The following BCL6 variants were observed in gnomAD, a reference collection of about 807,000 sequenced individuals.
The protein encoded by BCL6 is B-cell lymphoma 6 protein.
A neutral mutation model predicts 59.5 loss-of-function variants in BCL6; 7 were observed. The observed-to-expected ratio is 0.12, with a 90% CI of 0.07 to 0.22. BCL6 has a LOEUF of 0.22. BCL6 is among the 10% of genes least tolerant of loss of function. The pLI, the probability that BCL6 is intolerant of heterozygous loss-of-function variation, is 1.00. For synonymous variants in BCL6, 339 were observed against 349.7 expected (o/e 0.97, Z 0.34); for missense variants, 685 against 939.4 (o/e 0.73, Z 3.54).
chr3:187,724,932 CT>C lies in BCL6; in HGVS notation c.1977+8del. ...CAGGTCAGAGAGCGGCCTCAAGAGGCTTACGTACATGGTAAGGTTTCTCTCC... is the reference window on the plus strand; with the variant it reads ...CAGGTCAGAGAGCGGCCTCAAGAGGCTACGTACATGGTAAGGTTTCTCTCC... On this transcript the variant is annotated splice_region_variant and intron_variant, in intron 9 of 9. Transcript: ENST00000406870. 3 of 1,613,126 alleles carry C rather than the reference CT, an allele frequency of 1.9e-6. No individual in the cohort carries two copies. Among genetic ancestry groups the C allele is most frequent in the Non-Finnish European group, 2.5e-6 (3 of 1,179,750 alleles).
intron 1 of BCL6, among the ~76,000 whole-genome samples, chr3:187,743,749 C>G (rs990571299): frequency 6.6e-6 from 1 of 150,878 alleles, no homozygotes; most frequent in Non-Finnish European, 1.5e-5. Context: ...TCCCCGCCCG[C>G]CCCCGGAGCT....
Position 187,731,694 on chromosome 3 carries a change from C to A in BCL6, c.383+15G>T, listed in dbSNP as rs375899366. 6.2e-7 allele frequency: 1 copy of A among 1,612,588 alleles called. No homozygotes were observed. Among genetic ancestry groups the A allele is most frequent in the Non-Finnish European group, 8.5e-7 (1 of 1,179,236 alleles). On this transcript the variant is annotated intron_variant, in intron 4 of 9. Coordinates refer to ENST00000406870, the MANE Select transcript of BCL6 (RefSeq NM_001706.5). ...CTCTTCCATCTCCGACGCTTCCACC[C>A]GGGTAGCAACTCACCTGGCCTTAAT...
chr3:187,744,744 A>T, intron 1 of BCL6, among the ~76,000 whole-genome samples: 1 of 152,204 alleles, frequency 6.6e-6, no homozygotes, highest in African/African-American at 2.4e-5. Context: ...CCAGAAGGAC[A>T]GGGGAAGGGA....
chr3:187,745,258 C>G (rs929797612), intron 1 of BCL6, among the ~76,000 whole-genome samples, 152 bp downstream of exon 1: 6 of 151,858 alleles, frequency 4.0e-5, no homozygotes, highest in Admixed American at 2.0e-4. Context: ...ACATAGAAAA[C>G]TTGGAGCCAA....
At chr3:187,745,255 A>G (rs557281536) in intron 1 of BCL6, among the ~76,000 whole-genome samples, 155 bp downstream of exon 1, 5 of 152,264 alleles carry the variant, frequency 3.3e-5, no homozygotes, top group East Asian at 1.9e-4. Context: ...TACACATAGA[A>G]AACTTGGAGC....
chr3:187,722,451 C>G lies in BCL6; in HGVS notation c.*7G>C. On this transcript the variant is annotated 3_prime_UTR_variant, in exon 10 of 10. Coordinates refer to ENST00000406870, the MANE Select transcript of BCL6 (RefSeq NM_001706.5). The stretch of plus-strand genomic sequence containing the variant: ...GGCTGGAGACGAAAGCATCAACACT[C>G]CATGCTTCAGCAGGCTTTGGGGAGC... 1 of 1,611,050 alleles carries G rather than the reference C, an allele frequency of 6.2e-7. No homozygotes were observed.
chr3:187,744,968 C>G (rs1576886022), intron 1 of BCL6, among the ~76,000 whole-genome samples: 1 of 152,172 alleles, frequency 6.6e-6, no homozygotes, highest in African/African-American at 2.4e-5. Context: ...CAGACTAGCC[C>G]GAATCACCCC....
intron 6 of BCL6, 45 bp downstream of exon 6, chr3:187,728,315 G>A (rs375905467): frequency 4.0e-6 from 6 of 1,508,124 alleles, no homozygotes; most frequent in East Asian, 2.5e-5. Context: ...GGAGCAGAGG[G>A]GCCTTCCTTC....
chr3:187,744,818 A>C (rs985638767), intron 1 of BCL6, among the ~76,000 whole-genome samples: 1 of 152,228 alleles, frequency 6.6e-6, no homozygotes, highest in South Asian at 2.1e-4. Flanking sequence ...CGGAGCAAGG[A>C]AAGCAGTTTG....
At chr3:187,741,202 C>T (rs909152533) in intron 1 of BCL6, among the ~76,000 whole-genome samples, 2 of 152,218 alleles carry the variant, frequency 1.3e-5, no homozygotes, top group Non-Finnish European at 1.5e-5. Context: ...TAATTCCGTT[C>T]CTCCCGATGC....
At chr3:187,727,970 A>C (rs1718804634) in intron 6 of BCL6, among the ~76,000 whole-genome samples, 1 of 152,228 alleles carries the variant, frequency 6.6e-6, no homozygotes, top group Non-Finnish European at 1.5e-5. Context: ...GAATAAGGTC[A>C]GATGCTTCTC....
chr3:187,722,331 C>CCCCCCCAA lies in BCL6; in HGVS notation c.*126_*127insTTGGGGGG. The CCCCCCCAA allele has an allele frequency of 5.8e-6, 5 of 864,900 alleles. No homozygotes were observed. Among genetic ancestry groups the CCCCCCCAA allele is most frequent in the Non-Finnish European group, 7.6e-6 (5 of 658,090 alleles). The allele number at this position is 864,900 out of a possible 1,614,324, so 53.6% of individuals were successfully genotyped here. ...CCCGACCCCCACCACCCCCAACCCCCAGCTATGATTTGCACTAGTGGATGA... is the reference window on the plus strand; with the variant it reads ...CCCGACCCCCACCACCCCCAACCCCCCCCCCCAAAGCTATGATTTGCACTAGTGGATGA... On this transcript the variant is annotated 3_prime_UTR_variant, in exon 10 of 10. Coordinates refer to ENST00000406870, the MANE Select transcript of BCL6 (RefSeq NM_001706.5).
intron 1 of BCL6, among the ~76,000 whole-genome samples, chr3:187,743,614 T>C (rs1711704150): frequency 6.6e-6 from 1 of 152,162 alleles, no homozygotes; most frequent in Non-Finnish European, 1.5e-5. Context: ...GTTCCATTTT[T>C]CGCCAGGGTT....
intron 1 of BCL6, among the ~76,000 whole-genome samples, chr3:187,739,364 G>A (rs1261740466): frequency 6.6e-6 from 1 of 152,228 alleles, no homozygotes; most frequent in Non-Finnish European, 1.5e-5. Flanking sequence ...ACCGTGGTCC[G>A]GCGGCAGGGG....
rs1326596249 is a variant in BCL6 at position 187,725,441 on chromosome 3, C to T, written c.1839+58G>A. The T allele has an allele frequency of 5.5e-5, 85 of 1,539,764 alleles. No homozygotes were observed. The highest frequency in any genetic ancestry group is 7.2e-5 in the Admixed American group (4 of 55,716). The stretch of plus-strand genomic sequence containing the variant: ...TCCTCCGCTTGCCTGCCCACTCCTC[C>T]GCTCGCCTGCCCGCTCCGCTCGCCT... On this transcript the variant is annotated intron_variant, in intron 8 of 9. Coordinates refer to ENST00000406870, the MANE Select transcript of BCL6 (RefSeq NM_001706.5). The surrounding 1 kb of genome is among the most constrained non-coding windows in gnomAD (Gnocchi z 4.7).
At chr3:187,734,059 G>A (rs1719174674) in intron 2 of BCL6, among the ~76,000 whole-genome samples, 1 of 152,028 alleles carries the variant, frequency 6.6e-6, no homozygotes, top group Non-Finnish European at 1.5e-5. Flanking sequence ...TTTGTTTTTT[G>A]AGATGGAGTC....
intron 4 of BCL6, 27 bp downstream of exon 4, chr3:187,731,682 G>A (rs777917130): frequency 8.7e-6 from 14 of 1,608,048 alleles, no homozygotes; most frequent in African/African-American, 2.7e-5. Context: ...TTCCATCTCC[G>A]ACGCTTCCAC....
chr3:187,723,777 G>A (rs1389655044), intron 9 of BCL6, among the ~76,000 whole-genome samples: 1 of 152,112 alleles, frequency 6.6e-6, no homozygotes, highest in Admixed American at 6.5e-5. Context: ...CCGGGCCTTG[G>A]ATCTCCCTTC....
rs753741309 is a variant in BCL6 at position 187,722,499 on chromosome 3, A to G, written c.2080T>C (p.Ser694Pro). The G allele has an allele frequency of 1.9e-6, 3 of 1,613,872 alleles. No individual in the cohort carries two copies. The highest frequency in any genetic ancestry group is 2.2e-5 in the South Asian group (2 of 91,058). The stretch of plus-strand genomic sequence containing the variant: ...AGCTCCGGAGGCAGGTCAGTGGCTG[A>G]CACGCGGTATTGCACCTTGGTGTTG... ...ITNTKVQYRV[S>P]ATDLPPELPK... The change falls in exon 10 of 10, where the codon TCA becomes CCA. Residue 694 changes from serine (S) to proline (P), a missense_variant. Transcript: ENST00000406870.
Sources: allele counts gnomAD v4.1 joint callset (sites outside exome capture counted in the v4.1 genomes callset), GRCh38; gene constraint gnomAD v4.1.1; non-coding constraint Gnocchi (gnomAD v3.1); transcripts MANE v1.5; gene names NCBI Gene and HGNC (gene_info 2026-07-23, HGNC 2026-07-21).